NHS: variants seen among roughly 807,000 people sequenced by gnomAD.
The protein encoded by NHS is NHS actin remodeling regulator.
A neutral mutation model predicts 72.5 loss-of-function variants in NHS; 5 were observed. The ratio of observed to expected loss-of-function variants is 0.07; its 90% CI spans 0.04 to 0.14. NHS has a LOEUF of 0.14. NHS is among the 10% of genes least tolerant of loss of function. The pLI is 1.00. For synonymous variants in NHS, 464 were observed against 547.7 expected (o/e 0.85, Z 2.13); for missense variants, 1,072 against 1,355.7 (o/e 0.79, Z 3.29).
chrX:17,502,670 T>TA (rs1432239786), intron 1 of NHS, among the ~76,000 whole-genome samples: 1 of 42,570 alleles, frequency 2.3e-5, no homozygotes, highest in Non-Finnish European at 5.2e-5. Context: ...GCGCCTGTAG[T>TA]CCCAGCTACT....
intron 1 of NHS, among the ~76,000 whole-genome samples, chrX:17,685,319 G>A (rs1340402533): frequency 8.9e-6 from 1 of 111,940 alleles, no homozygotes; most frequent in Non-Finnish European, 1.9e-5. Flanking sequence ...ATGTGTGGCA[G>A]AAATCCGATA....
intron 1 of NHS, among the ~76,000 whole-genome samples, chrX:17,530,835 G>A (rs781126165): frequency 3.6e-5 from 4 of 110,699 alleles, no homozygotes; most frequent in Admixed American, 9.6e-5. Context: ...TTTGGGTACC[G>A]TGGCACAATC....
intron 1 of NHS, among the ~76,000 whole-genome samples, chrX:17,534,096 T>TTGTGTGTGTGTGTG (rs59352413): frequency 5.6e-4 from 59 of 104,939 alleles, no homozygotes; most frequent in African/African-American, 1.9e-3. Context: ...TGAAAGGTCA[T>TTGTGTGTGTGTGTG]TGTGTGTGTG....
intron 1 of NHS, among the ~76,000 whole-genome samples, chrX:17,667,731 G>T (rs73445854): frequency 0.042 from 4,694 of 111,085 alleles, 243 homozygotes; most frequent in African/African-American, 0.14. Flanking sequence ...GTTCTCAGGA[G>T]AAGGTGTTGG....
Position 17,633,080 on chromosome X carries a change from G to T in NHS, c.566-54662G>T, listed in dbSNP as rs778199994. On this transcript the variant is annotated intron_variant, in intron 1 of 8. Transcript: ENST00000676302. The stretch of plus-strand genomic sequence containing the variant: ...CCTGAGACCCATAGGAAGGGTTTTT[G>T]TTTTTTTTTTTAGCGGGGGCGTTGC... Among the ~76,000 whole-genome samples, 31 of 103,925 alleles carry T rather than the reference G, an allele frequency of 3.0e-4. No individual in the cohort carries two copies. The Middle Eastern group carries it at 0.033, about 112-fold the overall frequency. The allele number at this position is 103,925 out of a possible 115,157, so 90.2% of individuals were successfully genotyped here. A position where few individuals can be genotyped will look rare whatever the true frequency, so the allele number is the denominator to read the frequency against.
At chrX:17,532,381 G>A (rs2065202694) in intron 1 of NHS, among the ~76,000 whole-genome samples, 1 of 111,086 alleles carries the variant, frequency 9.0e-6, no homozygotes, top group South Asian at 3.9e-4. Context: ...AAAGATGAAT[G>A]ATATAGTCCC....
intron 1 of NHS, among the ~76,000 whole-genome samples, chrX:17,574,956 G>A (rs921767069): frequency 3.2e-4 from 36 of 111,943 alleles, no homozygotes; most frequent in Non-Finnish European, 1.5e-4. Flanking sequence ...ATGAGGGTCT[G>A]TTTTAACATG....
intron 1 of NHS, among the ~76,000 whole-genome samples, chrX:17,484,019 T>C (rs1196557343): frequency 8.9e-6 from 1 of 112,163 alleles, no homozygotes; most frequent in Non-Finnish European, 1.9e-5. Flanking sequence ...TCCTATTCCA[T>C]TGGTGTGCCA....
intron 1 of NHS, among the ~76,000 whole-genome samples, chrX:17,479,756 A>C (rs947077665): frequency 9.0e-6 from 1 of 111,355 alleles, no homozygotes; most frequent in Non-Finnish European, 1.9e-5. Flanking sequence ...TTTTTCTTGT[A>C]AATTTGTTTA....
At chrX:17,443,613 C>T (rs1208422408) in intron 1 of NHS, among the ~76,000 whole-genome samples, 4 of 111,728 alleles carry the variant, frequency 3.6e-5, no homozygotes, top group South Asian at 3.8e-4. Flanking sequence ...GTAGCAATAC[C>T]GCTAAGGTTC....
intron 3 of NHS, chrX:17,705,764 G>A (rs2066291624): frequency 8.9e-6 from 1 of 112,174 alleles, no homozygotes; most frequent in South Asian, 3.7e-4. Context: ...CTCCTGATGT[G>A]ATGCATTGAG....
At chrX:17,714,151 T>A (rs2066351157) in intron 3 of NHS, among the ~76,000 whole-genome samples, 1 of 104,798 alleles carries the variant, frequency 9.5e-6, no homozygotes, top group African/African-American at 3.6e-5. Flanking sequence ...AAATTACTCT[T>A]TTTTTTTTTT....
At chrX:17,697,976 A>G (rs1300239360) in intron 3 of NHS, among the ~76,000 whole-genome samples, 2 of 111,337 alleles carry the variant, frequency 1.8e-5, no homozygotes, top group Admixed American at 9.5e-5. Context: ...AAATTGTTTT[A>G]TATAAACAGA....
chrX:17,637,918 GGATGTTGTAGCTGATA>G (rs2065859315), intron 1 of NHS, among the ~76,000 whole-genome samples: 1 of 112,193 alleles, frequency 8.9e-6, no homozygotes, highest in Non-Finnish European at 1.9e-5. Flanking sequence ...GCCACGTGCT[GGATGTTGTAGCTGATA>G]GACTATATTT....
chrX:17,425,400 A>G (rs1299740458), intron 1 of NHS, among the ~76,000 whole-genome samples: 1 of 109,351 alleles, frequency 9.1e-6, no homozygotes, highest in African/African-American at 3.3e-5. Context: ...GATGTCATCA[A>G]CCACTTTTGT....
rs757449893 is a variant in NHS, at chrX:17,712,927, T to C, written c.853-6417T>C. 4.5e-5 allele frequency among the ~76,000 whole-genome samples: 5 copies of C among 111,691 alleles called. No individual in the cohort carries two copies. In the South Asian group the frequency reaches 1.9e-3, roughly 42 times the overall value. Reference sequence around the variant, plus strand: ...GCCTTAAAACAGAGAAAGCATAGGATGTGCCTTAAACTTCTGCCTACCTCT... The same window carrying C: ...GCCTTAAAACAGAGAAAGCATAGGACGTGCCTTAAACTTCTGCCTACCTCT... On this transcript the variant is annotated intron_variant, in intron 3 of 8. Coordinates refer to ENST00000676302, the MANE Select transcript of NHS (RefSeq NM_001291867.2).
chrX:17,538,126 A>G (rs959919989), intron 1 of NHS, among the ~76,000 whole-genome samples: 2 of 111,852 alleles, frequency 1.8e-5, no homozygotes, highest in Non-Finnish European at 1.9e-5. Context: ...GGTCAGGAGC[A>G]TGAACTTCTT....
At chrX:17,420,919 T>C (rs767234505) in intron 1 of NHS, among the ~76,000 whole-genome samples, 5 of 111,167 alleles carry the variant, frequency 4.5e-5, no homozygotes, top group African/African-American at 3.3e-5. Context: ...CTTAGAGTTA[T>C]AATATTTTTA....
chrX:17,476,276 G>C (rs1380802891), intron 1 of NHS, among the ~76,000 whole-genome samples: 3 of 111,787 alleles, frequency 2.7e-5, no homozygotes, highest in Non-Finnish European at 3.8e-5. Flanking sequence ...GAGCTATTGA[G>C]GGATGCTGTA....
Sources: allele counts gnomAD v4.1 joint callset (sites outside exome capture counted in the v4.1 genomes callset), GRCh38; gene constraint gnomAD v4.1.1; transcripts MANE v1.5; gene names NCBI Gene and HGNC (gene_info 2026-07-23, HGNC 2026-07-21).